Variants in DDX10 observed in about 807,000 individuals in gnomAD.
The protein encoded by DDX10 is probable ATP-dependent RNA helicase DDX10.
In DDX10, 74 loss-of-function variants were observed where a neutral mutation model predicts 104.3. The observed-to-expected ratio is 0.71, with a 90% CI of 0.59 to 0.86. The LOEUF (loss-of-function observed/expected upper bound fraction) is 0.86. Ranked by LOEUF, DDX10 falls within the 40% of genes least tolerant of loss-of-function variation. The probability of loss-of-function intolerance (pLI) is 0.00; values close to 1 mark genes in which losing one functional copy is unlikely to be tolerated. For missense variants in DDX10, 952 were observed against 1,040.0 expected, an observed-to-expected ratio of 0.92 and a Z score of 1.16; for synonymous variants, 351 against 353.4, an observed-to-expected ratio of 0.99 and a Z score of 0.08.
intron 10 of DDX10, among the ~76,000 whole-genome samples, chr11:108,710,800 C>T (rs541808499): frequency 6.6e-6 from 1 of 152,256 alleles, no homozygotes; most frequent in African/African-American, 2.4e-5. Flanking sequence ...TAATGTATTG[C>T]CCTATAGTGT....
At chr11:108,712,176 A>C (rs889140125) in intron 10 of DDX10, among the ~76,000 whole-genome samples, 1 of 152,164 alleles carries the variant, frequency 6.6e-6, no homozygotes, top group Non-Finnish European at 1.5e-5. Flanking sequence ...CACTTTCATT[A>C]ATTTATGTGT....
At chr11:108,738,618 A>C (rs1270047860) in intron 13 of DDX10, among the ~76,000 whole-genome samples, 1 of 152,138 alleles carries the variant, frequency 6.6e-6, no homozygotes, top group Non-Finnish European at 1.5e-5. Context: ...TAGGTATGGC[A>C]TACCCAGTTA....
chr11:108,875,323 A>G (rs911123782), intron 16 of DDX10, among the ~76,000 whole-genome samples: 2 of 152,180 alleles, frequency 1.3e-5, no homozygotes, highest in African/African-American at 4.8e-5. Flanking sequence ...TGAGAACTTA[A>G]TGAGTCATGA....
chr11:108,772,200 C>T (rs1341058376), intron 13 of DDX10, among the ~76,000 whole-genome samples: 1 of 152,188 alleles, frequency 6.6e-6, no homozygotes, highest in Non-Finnish European at 1.5e-5. Flanking sequence ...AATAATGTCT[C>T]CTGCAAGAGA....
chr11:108,796,113 C>A (rs1372881433), intron 13 of DDX10, among the ~76,000 whole-genome samples: 1 of 152,142 alleles, frequency 6.6e-6, no homozygotes, highest in African/African-American at 2.4e-5. Context: ...AATAGTATTT[C>A]TTTAATGTTC....
At chr11:108,834,122 A>T (rs1333327641) in intron 13 of DDX10, among the ~76,000 whole-genome samples, 2 of 139,394 alleles carry the variant, frequency 1.4e-5, no homozygotes, top group Admixed American at 7.3e-5. Flanking sequence ...AGCCTGGCTA[A>T]TTTTTTTTTT....
At chr11:108,852,060 A>T in intron 15 of DDX10, 93 bp from the exon 16 acceptor site, 1 of 946,392 alleles carries the variant, frequency 1.1e-6, no homozygotes, top group Non-Finnish European at 1.6e-6. Flanking sequence ...GTCATATATT[A>T]GTTAGCTTTA....
intron 17 of DDX10, among the ~76,000 whole-genome samples, chr11:108,923,165 T>C (rs1039024510): frequency 1.3e-5 from 2 of 152,214 alleles, no homozygotes; most frequent in African/African-American, 4.8e-5. Context: ...AACAGCTTAG[T>C]AGGAAACCCA....
At chr11:108,766,399 A>G (rs1038684499) in intron 13 of DDX10, among the ~76,000 whole-genome samples, 1 of 152,250 alleles carries the variant, frequency 6.6e-6, no homozygotes, top group African/African-American at 2.4e-5. Context: ...TCACTCAAGT[A>G]CATACCTATG....
chr11:108,681,578 C>T (rs1266702915), intron 6 of DDX10, among the ~76,000 whole-genome samples: 2 of 152,140 alleles, frequency 1.3e-5, no homozygotes, highest in Admixed American at 1.3e-4. Flanking sequence ...TAGAGAGTAT[C>T]TACTCTCAAA....
intron 13 of DDX10, among the ~76,000 whole-genome samples, chr11:108,773,565 C>T (rs1436928045): frequency 6.6e-6 from 1 of 152,080 alleles, no homozygotes; most frequent in African/African-American, 2.4e-5. Flanking sequence ...TGCACATGCA[C>T]ACATACTCAA....
chr11:108,709,012 A>G (rs1323953905), intron 10 of DDX10, among the ~76,000 whole-genome samples: 2 of 152,198 alleles, frequency 1.3e-5, no homozygotes, highest in Non-Finnish European at 2.9e-5. Flanking sequence ...TCGATTTCCT[A>G]TATAGATGAT....
chr11:108,869,028 T>A (rs376514268), intron 16 of DDX10, among the ~76,000 whole-genome samples: 3 of 150,418 alleles, frequency 2.0e-5, no homozygotes, highest in African/African-American at 7.3e-5. Context: ...AGGTAAACTC[T>A]CCTTTTTGAA....
rs550020700 is a variant in DDX10 at position 108,693,192 on chromosome 11, T to C, written c.1139-324T>C. ...GAATGATGGTTTCCAGCTTTGTCCA[T>C]GTCCCCATTAGAAGTGGTGCTTTCG... On this transcript the variant is annotated intron_variant, in intron 8 of 17. Coordinates refer to ENST00000322536, the MANE Select transcript of DDX10 (RefSeq NM_004398.4). 3.9e-5 allele frequency among the ~76,000 whole-genome samples: 6 copies of C among 152,338 alleles called. 1 individual carries two copies. The South Asian group carries it at 1.2e-3, about 32-fold the overall frequency.
chr11:108,872,633 C>A (rs953248187), intron 16 of DDX10, among the ~76,000 whole-genome samples: 5 of 152,120 alleles, frequency 3.3e-5, no homozygotes, highest in Non-Finnish European at 5.9e-5. Flanking sequence ...TCTCAACTGA[C>A]TTTTATTATT....
intron 13 of DDX10, among the ~76,000 whole-genome samples, chr11:108,815,049 A>G (rs549358899): frequency 4.6e-5 from 7 of 152,296 alleles, no homozygotes; most frequent in African/African-American, 9.6e-5. Context: ...TTTATCAGCA[A>G]TTCTTATCTT....
At chr11:108,831,718 T>G (rs1862474173) in intron 13 of DDX10, among the ~76,000 whole-genome samples, 1 of 152,154 alleles carries the variant, frequency 6.6e-6, no homozygotes, top group Non-Finnish European at 1.5e-5. Flanking sequence ...TTTATTTTCT[T>G]TTGTAGGATA....
intron 13 of DDX10, among the ~76,000 whole-genome samples, chr11:108,768,480 G>T (rs1359028311): frequency 6.6e-6 from 1 of 152,184 alleles, no homozygotes; most frequent in African/African-American, 2.4e-5. Flanking sequence ...GAGGAAGAGT[G>T]GGAGTTGGTG....
At chr11:108,864,448 TTATATG>T (rs1416833156) in intron 16 of DDX10, among the ~76,000 whole-genome samples, 2 of 151,278 alleles carry the variant, frequency 1.3e-5, no homozygotes, top group Non-Finnish European at 2.9e-5. Flanking sequence ...AGAATAAACT[TTATATG>T]TATAGAATAT....
Sources: allele counts gnomAD v4.1 joint callset (sites outside exome capture counted in the v4.1 genomes callset), GRCh38; gene constraint gnomAD v4.1.1; transcripts MANE v1.5; gene names NCBI Gene and HGNC (gene_info 2026-07-23, HGNC 2026-07-21).